The following NCOA2 variants were observed in gnomAD, a reference collection of about 807,000 sequenced individuals.
NCOA2 encodes class E basic helix-loop-helix protein 75.
A neutral mutation model predicts 145.1 loss-of-function variants in NCOA2; 21 were observed. That is an observed-to-expected ratio of 0.14 (90% CI 0.10 to 0.21). The LOEUF is 0.21. Among genes scored for constraint, NCOA2 ranks in the 10% least tolerant of loss-of-function variants. The probability of loss-of-function intolerance (pLI) is 1.00; values close to 1 mark genes in which losing one functional copy is unlikely to be tolerated. For missense variants in NCOA2, 1,472 were observed against 1,837.6 expected, an observed-to-expected ratio of 0.80 and a Z score of 3.64; for synonymous variants, 619 against 637.5, an observed-to-expected ratio of 0.97 and a Z score of 0.44.
At chr8:70,373,940 A>G (rs1361041797) in intron 1 of NCOA2, among the ~76,000 whole-genome samples, 2 of 152,160 alleles carry the variant, frequency 1.3e-5, no homozygotes, top group Non-Finnish European at 2.9e-5. Flanking sequence ...AGAGAGTGTA[A>G]AAGTTCCAAC....
chr8:70,267,651 G>T lies in NCOA2; in HGVS notation c.-20+29093C>A, dbSNP rs920083726. Among the ~76,000 whole-genome samples, 8 of 152,056 alleles carry T rather than the reference G, an allele frequency of 5.3e-5. No individual in the cohort carries two copies. In the East Asian group the frequency reaches 9.7e-4, roughly 18 times the overall value. On this transcript the variant is annotated intron_variant, in intron 2 of 22. Transcript: ENST00000452400. ...GGAAGATCCATTTCCTTTCTGCTAG[G>T]TGATGGAAATGCTGTCTTTGACTAG...
intron 15 of NCOA2, among the ~76,000 whole-genome samples, chr8:70,137,784 A>G (rs551017661): frequency 2.6e-5 from 4 of 152,202 alleles, no homozygotes; most frequent in Non-Finnish European, 4.4e-5. Flanking sequence ...CACTGCCTCA[A>G]TTCTACTCAC....
chr8:70,167,257 G>A (rs1194332961), intron 6 of NCOA2, among the ~76,000 whole-genome samples: 1 of 152,198 alleles, frequency 6.6e-6, no homozygotes, highest in Non-Finnish European at 1.5e-5. Context: ...TAGACTTGAT[G>A]TAGTCTGGAG....
At chr8:70,142,467 G>A (rs556857760) in intron 13 of NCOA2, among the ~76,000 whole-genome samples, 3 of 152,262 alleles carry the variant, frequency 2.0e-5, no homozygotes, top group Non-Finnish European at 2.9e-5. Context: ...GGGAGGCTGC[G>A]GTGGGCAGAT....
intron 3 of NCOA2, among the ~76,000 whole-genome samples, chr8:70,215,048 A>C (rs1043159599): frequency 6.6e-6 from 1 of 152,104 alleles, no homozygotes; most frequent in Non-Finnish European, 1.5e-5. Flanking sequence ...CAATGTCTCT[A>C]TTTTATAGTG....
intron 1 of NCOA2, among the ~76,000 whole-genome samples, chr8:70,331,956 A>C (rs1807145723): frequency 6.6e-6 from 1 of 152,170 alleles, no homozygotes; most frequent in Non-Finnish European, 1.5e-5. Context: ...AAGTACCCTC[A>C]AGGTCAACAG....
intron 2 of NCOA2, chr8:70,245,038 A>G (rs928482413): frequency 6.6e-6 from 1 of 152,124 alleles, no homozygotes; most frequent in Non-Finnish European, 1.5e-5. Flanking sequence ...TGCAGTTCAT[A>G]TTAGAGCTCA....
chr8:70,128,634 C>T, intron 17 of NCOA2, 68 bp downstream of exon 17: 4 of 1,596,688 alleles, frequency 2.5e-6, no homozygotes, highest in Non-Finnish European at 3.4e-6. Flanking sequence ...GCTGTGCTGT[C>T]TCACATCATC....
chr8:70,193,699 G>C, intron 4 of NCOA2, among the ~76,000 whole-genome samples: 1 of 152,178 alleles, frequency 6.6e-6, no homozygotes. Context: ...CCCATCAGAT[G>C]TAACAAAATG....
At chr8:70,396,902 T>G (rs1425091455) in intron 1 of NCOA2, among the ~76,000 whole-genome samples, 2 of 152,208 alleles carry the variant, frequency 1.3e-5, no homozygotes, top group Non-Finnish European at 2.9e-5. Flanking sequence ...CCCTCTGATG[T>G]TTATTATTTA....
intron 15 of NCOA2, among the ~76,000 whole-genome samples, chr8:70,134,882 A>T (rs1563501382): frequency 6.6e-6 from 1 of 152,124 alleles, no homozygotes; most frequent in Non-Finnish European, 1.5e-5. Flanking sequence ...GACTCTCGGG[A>T]CACTTTCCCA....
chr8:70,417,245 TAAAAAAAAA>T, the NCOA2 span, among the ~76,000 whole-genome samples: 2 of 78,044 alleles, frequency 2.6e-5, no homozygotes, highest in Non-Finnish European at 4.2e-5. Context: ...TCGTCTCTAT[TAAAAAAAAA>T]AAAAAAAAAA....
chr8:70,346,389 G>A (rs1458988979), intron 1 of NCOA2, among the ~76,000 whole-genome samples: 1 of 152,150 alleles, frequency 6.6e-6, no homozygotes, highest in Non-Finnish European at 1.5e-5. Context: ...TATTGACAGA[G>A]ATAAGCAAAG....
chr8:70,344,388 G>A (rs1241417703), intron 1 of NCOA2, among the ~76,000 whole-genome samples: 1 of 152,232 alleles, frequency 6.6e-6, no homozygotes, highest in East Asian at 1.9e-4. Flanking sequence ...ACAGCAAGCA[G>A]TTCTCAGCCC....
At chr8:70,274,335 T>C (rs550159099) in intron 2 of NCOA2, among the ~76,000 whole-genome samples, 2 of 152,292 alleles carry the variant, frequency 1.3e-5, no homozygotes, top group Non-Finnish European at 2.9e-5. Context: ...TTCAGATCCA[T>C]ATCTACTCCA....
chr8:70,151,744 C>T (rs1174330136), intron 11 of NCOA2, among the ~76,000 whole-genome samples: 2 of 152,162 alleles, frequency 1.3e-5, no homozygotes, highest in African/African-American at 4.8e-5. Context: ...GATAATATTG[C>T]TTTGCCTGTG....
At chr8:70,347,538 C>T (rs1042581243) in intron 1 of NCOA2, among the ~76,000 whole-genome samples, 2 of 151,726 alleles carry the variant, frequency 1.3e-5, no homozygotes, top group Non-Finnish European at 2.9e-5. Context: ...TGTCTGCGGT[C>T]CCAGCTACTT....
In NCOA2 at chr8:70,137,290, G is replaced by A. The variant is rs528683906; in HGVS notation, c.3158+913C>T. Among the ~76,000 whole-genome samples, 5 of 152,268 alleles carry A rather than the reference G, an allele frequency of 3.3e-5. No individual in the cohort carries two copies. The South Asian group carries it at 6.2e-4, about 19-fold the overall frequency. On this transcript the variant is annotated intron_variant, in intron 15 of 22. Coordinates refer to ENST00000452400, the MANE Select transcript of NCOA2 (RefSeq NM_006540.4). ...ACTCCTGACCTCAGGTGATCTGCCC[G>A]CCTCAACCTCCCAAAGTGCTAGGAT...
intron 2 of NCOA2, among the ~76,000 whole-genome samples, chr8:70,217,072 T>G (rs980000366): frequency 2.0e-5 from 3 of 152,172 alleles, no homozygotes; most frequent in African/African-American, 7.2e-5. Flanking sequence ...AGCTCTGGGT[T>G]TGGGCTGCCA....
Sources: allele counts gnomAD v4.1 joint callset (sites outside exome capture counted in the v4.1 genomes callset), GRCh38; gene constraint gnomAD v4.1.1; transcripts MANE v1.5; gene names NCBI Gene and HGNC (gene_info 2026-07-23, HGNC 2026-07-21).